The following SLCO3A1 variants were observed in gnomAD, a reference collection of about 807,000 sequenced individuals.
The protein encoded by SLCO3A1 is PGE1 transporter.
In SLCO3A1, 27 loss-of-function variants were observed where a neutral mutation model predicts 63.1. That is an observed-to-expected ratio of 0.43 (90% CI 0.32 to 0.59). The LOEUF (loss-of-function observed/expected upper bound fraction) is 0.59, where lower values mean the gene tolerates loss of function less well. SLCO3A1 is among the 20% of genes least tolerant of loss of function. SLCO3A1 has a pLI of 0.09. For missense variants in SLCO3A1, 773 were observed against 945.8 expected (o/e 0.82, Z 2.40); for synonymous variants, 473 against 409.9 (o/e 1.15, Z -1.86).
intron 2 of SLCO3A1, among the ~76,000 whole-genome samples, chr15:91,994,656 T>C (rs113613241): frequency 6.6e-6 from 1 of 152,232 alleles, no homozygotes; most frequent in African/African-American, 2.4e-5. Context: ...AGTGGAGATC[T>C]CAGATAAATC....
At chr15:91,998,383 G>A (rs1203217550) in intron 2 of SLCO3A1, among the ~76,000 whole-genome samples, 2 of 152,132 alleles carry the variant, frequency 1.3e-5, no homozygotes, top group African/African-American at 2.4e-5. Context: ...GACCCTGGGA[G>A]GCTGAGGTTG....
intron 1 of SLCO3A1, among the ~76,000 whole-genome samples, chr15:91,901,641 T>C (rs72750075): frequency 0.065 from 9,941 of 152,270 alleles, 452 homozygotes; most frequent in Non-Finnish European, 0.1. Flanking sequence ...GTTGACGGTT[T>C]GTTTTCTTTC....
At chr15:91,878,652 C>T (rs571477221) in intron 1 of SLCO3A1, among the ~76,000 whole-genome samples, 5 of 152,242 alleles carry the variant, frequency 3.3e-5, no homozygotes, top group Admixed American at 1.3e-4. Context: ...ATCAGATTCT[C>T]ATTTTATGTC....
chr15:92,144,753 T>C (rs1272463304), intron 7 of SLCO3A1, among the ~76,000 whole-genome samples: 2 of 152,226 alleles, frequency 1.3e-5, no homozygotes, highest in Admixed American at 6.5e-5. Context: ...GGAGATACTT[T>C]CCAGCCTTAG....
chr15:91,944,818 CCT>C (rs538076068), intron 2 of SLCO3A1, among the ~76,000 whole-genome samples: 5 of 151,786 alleles, frequency 3.3e-5, no homozygotes, highest in Admixed American at 6.6e-5. Context: ...GAGCAGGCTC[CCT>C]CTCTCTCTCT....
chr15:91,946,950 T>C (rs1181682456), intron 2 of SLCO3A1, among the ~76,000 whole-genome samples: 2 of 152,180 alleles, frequency 1.3e-5, no homozygotes, highest in Non-Finnish European at 2.9e-5. Context: ...TATAATCAAA[T>C]GTGTCCATGA....
chr15:92,009,371 C>T (rs2046345728), intron 2 of SLCO3A1, among the ~76,000 whole-genome samples: 2 of 152,194 alleles, frequency 1.3e-5, no homozygotes, highest in African/African-American at 4.8e-5. Context: ...TTCTGTCACT[C>T]AGGAGCCTGG....
At position 92,033,624 on chromosome 15, in the gene SLCO3A1, T is replaced by C. The variant is rs1312483359; in HGVS notation, c.647-61257T>C. On this transcript the variant is annotated intron_variant, in intron 2 of 9. Transcript: ENST00000318445. The surrounding 1 kb of genome is among the most constrained non-coding windows in gnomAD (Gnocchi z 4.5). ...GCTGTGCATACAGCAGCAAACAAAA[T>C]AGAGAAAAATCCCTTCCCACTCAGA... Among the ~76,000 whole-genome samples, 2 of 151,978 alleles carry C rather than the reference T, an allele frequency of 1.3e-5. No individual in the cohort carries two copies. Among genetic ancestry groups the C allele is most frequent in the Non-Finnish European group, 2.9e-5 (2 of 68,002 alleles).
At chr15:92,017,552 G>A (rs779471567) in intron 2 of SLCO3A1, among the ~76,000 whole-genome samples, 2 of 152,034 alleles carry the variant, frequency 1.3e-5, no homozygotes, top group Non-Finnish European at 2.9e-5. Flanking sequence ...ATATTTAGGG[G>A]AACAGAGGAC....
intron 7 of SLCO3A1, among the ~76,000 whole-genome samples, chr15:92,136,358 C>T (rs901632291): frequency 2.6e-5 from 4 of 152,260 alleles, no homozygotes; most frequent in Admixed American, 2.6e-4. Flanking sequence ...AGGCAGAAAA[C>T]AACTTTATTT....
intron 1 of SLCO3A1, among the ~76,000 whole-genome samples, chr15:91,901,510 C>T (rs1567177402): frequency 6.6e-6 from 1 of 151,954 alleles, no homozygotes; most frequent in Non-Finnish European, 1.5e-5. Flanking sequence ...GAAGGAATTC[C>T]TTTATTATTT....
chr15:91,867,894 C>T lies in SLCO3A1; in HGVS notation c.180+13806C>T, dbSNP rs920475442. Among the ~76,000 whole-genome samples the T allele has an allele frequency of 9.2e-5, 14 of 152,168 alleles. No individual in the cohort carries two copies. In the East Asian group the frequency reaches 2.3e-3, roughly 25 times the overall value. On this transcript the variant is annotated intron_variant, in intron 1 of 9. Transcript: ENST00000318445. Reference sequence around the variant, plus strand: ...GTGTGAAAGGTTGTGTGAGTCAGGTCAGGAAGCATTTCTGCGCTGTTGCTC... The same window carrying T: ...GTGTGAAAGGTTGTGTGAGTCAGGTTAGGAAGCATTTCTGCGCTGTTGCTC...
chr15:92,171,132 A>G (rs975742638), intron 10 of SLCO3A1: 9 of 152,244 alleles, frequency 5.9e-5, no homozygotes, highest in Admixed American at 5.9e-4. Flanking sequence ...CCTATTGAAC[A>G]GGAGAGCTGC....
intron 3 of SLCO3A1, among the ~76,000 whole-genome samples, chr15:92,102,383 T>A (rs2047616344): frequency 6.6e-6 from 1 of 152,158 alleles, no homozygotes; most frequent in African/African-American, 2.4e-5. Context: ...TATATGTACA[T>A]AAAAGTGAGA....
intron 1 of SLCO3A1, among the ~76,000 whole-genome samples, chr15:91,874,636 G>T (rs751711068): frequency 2.6e-5 from 4 of 152,174 alleles, no homozygotes; most frequent in Non-Finnish European, 4.4e-5. Flanking sequence ...TTATCCAGTC[G>T]TCTGTCGATG....
At chr15:91,866,218 TA>T (rs997985882) in intron 1 of SLCO3A1, among the ~76,000 whole-genome samples, 1 of 151,546 alleles carries the variant, frequency 6.6e-6, no homozygotes, top group Non-Finnish European at 1.5e-5. Context: ...AGAATGCATG[TA>T]AAAAAAAATC....
intron 7 of SLCO3A1, among the ~76,000 whole-genome samples, chr15:92,142,881 A>G (rs1299207554): frequency 6.6e-6 from 1 of 152,138 alleles, no homozygotes; most frequent in Non-Finnish European, 1.5e-5. Context: ...TAAATATAAT[A>G]TAATCGAGCC....
In SLCO3A1 at chr15:92,133,477, G is replaced by C. The variant is rs1201487544; in HGVS notation, c.1512+4988G>C. Among the ~76,000 whole-genome samples, 2 of 146,034 alleles carry C rather than the reference G, an allele frequency of 1.4e-5. 1 individual carries two copies. The highest frequency in any genetic ancestry group is 5.0e-5 in the African/African-American group (2 of 40,300). On this transcript the variant is annotated intron_variant, in intron 7 of 9. Transcript: ENST00000318445. ...CTGTTGGGAACTGGGCCGCACAGCA[G>C]GAGGCGAGTGGCAGGTGAGCAAAGC...
chr15:91,883,488 T>G lies in SLCO3A1; in HGVS notation c.180+29400T>G, dbSNP rs929707020. 6.6e-6 allele frequency among the ~76,000 whole-genome samples: 1 copy of G among 152,226 alleles called. No individual in the cohort carries two copies. Among genetic ancestry groups the G allele is most frequent in the Non-Finnish European group, 1.5e-5 (1 of 68,036 alleles). On this transcript the variant is annotated intron_variant, in intron 1 of 9. Transcript: ENST00000318445. The surrounding 1 kb of genome is among the most constrained non-coding windows in gnomAD (Gnocchi z 4.8). ...AGGGATGTACCTCGCACTGACTGGC[T>G]GGGGCCCTTCATCCTTTGCATTTTC...
Sources: gnomAD v4.1 joint callset for allele counts (sites outside exome capture counted in the v4.1 genomes callset) on GRCh38, gnomAD v4.1.1 for gene constraint, Gnocchi (gnomAD v3.1) non-coding constraint, MANE v1.5 for transcripts, NCBI Gene and HGNC (gene_info 2026-07-23, HGNC 2026-07-21) for gene names.